Variants in AUH observed in about 807,000 individuals in gnomAD.
AUH encodes the protein AU RNA binding methylglutaconyl-CoA hydratase, also known as methylglutaconyl-CoA hydratase, mitochondrial.
In AUH, 29 loss-of-function variants were observed where a neutral mutation model predicts 42.3. That is an observed-to-expected ratio of 0.69 (90% CI 0.51 to 0.93). The LOEUF (loss-of-function observed/expected upper bound fraction) is 0.93, where lower values mean the gene tolerates loss of function less well. Among genes scored for constraint, AUH ranks in the 40% least tolerant of loss-of-function variants. The pLI, the probability that AUH is intolerant of heterozygous loss-of-function variation, is 0.00. For synonymous variants in AUH, 174 were observed against 166.4 expected, an observed-to-expected ratio of 1.05 and a Z score of -0.35; for missense variants, 452 against 438.1, an observed-to-expected ratio of 1.03 and a Z score of -0.28.
chr9:91,333,167 G>C (rs1830453735), intron 3 of AUH, among the ~76,000 whole-genome samples: 1 of 152,214 alleles, frequency 6.6e-6, no homozygotes, highest in Non-Finnish European at 1.5e-5. Context: ...TCGGCCAAAA[G>C]GAGGTCACAG....
chr9:91,357,454 T>G, intron 1 of AUH: 2 of 948,764 alleles, frequency 2.1e-6, no homozygotes, highest in South Asian at 4.9e-5. Flanking sequence ...ACTAGATGTG[T>G]CCATTCATTC....
chr9:91,335,943 C>T (rs1830655469), intron 3 of AUH, among the ~76,000 whole-genome samples: 1 of 152,104 alleles, frequency 6.6e-6, no homozygotes, highest in Non-Finnish European at 1.5e-5. Context: ...CCATGTGTGC[C>T]TGAAACGAAT....
At chr9:91,355,036 C>A (rs1367303831) in intron 3 of AUH, among the ~76,000 whole-genome samples, 1 of 152,076 alleles carries the variant, frequency 6.6e-6, no homozygotes, top group Non-Finnish European at 1.5e-5. Context: ...TGCATAACAC[C>A]ATAACCCTAG....
rs115716652 is a variant in AUH at position 91,258,948 on chromosome 9, A to G, written c.655+37073T>C. The stretch of plus-strand genomic sequence containing the variant: ...ATGCTAAAATTTTGTTAGGACTTTT[A>G]CACCTGTTTTCATGAGGGATGCTTG... On this transcript the variant is annotated intron_variant, in intron 6 of 9. Coordinates refer to ENST00000375731, the MANE Select transcript of AUH (RefSeq NM_001698.3). 9.5e-3 allele frequency among the ~76,000 whole-genome samples: 1,444 copies of G among 152,232 alleles called. 24 individuals carry two copies. The highest frequency in any genetic ancestry group is 0.033 in the African/African-American group (1,375 of 41,528).
chr9:91,268,211 T>G (rs1425294282), intron 6 of AUH, among the ~76,000 whole-genome samples: 1 of 152,218 alleles, frequency 6.6e-6, no homozygotes, highest in Non-Finnish European at 1.5e-5. Context: ...AAGCACAAAG[T>G]GCTCCACCTA....
At chr9:91,239,229 G>A (rs980566099) in intron 6 of AUH, among the ~76,000 whole-genome samples, 5 of 151,992 alleles carry the variant, frequency 3.3e-5, no homozygotes, top group Non-Finnish European at 5.9e-5. Flanking sequence ...GATAAAGGGG[G>A]ATGCTCATAA....
chr9:91,264,336 A>C (rs1306414475), intron 6 of AUH, among the ~76,000 whole-genome samples: 1 of 152,076 alleles, frequency 6.6e-6, no homozygotes, highest in Non-Finnish European at 1.5e-5. Flanking sequence ...GCATGAGTGG[A>C]GGTTCTCCTA....
chr9:91,297,487 C>T (rs1827440350), intron 5 of AUH, among the ~76,000 whole-genome samples: 1 of 152,162 alleles, frequency 6.6e-6, no homozygotes, highest in Admixed American at 6.5e-5. Flanking sequence ...AGATTAATTG[C>T]TTAATCTTCA....
chr9:91,263,098 C>T (rs1476393122), intron 6 of AUH, among the ~76,000 whole-genome samples: 1 of 152,134 alleles, frequency 6.6e-6, no homozygotes, highest in Non-Finnish European at 1.5e-5. Flanking sequence ...CAGAACAGTG[C>T]CAAGAACGCA....
intron 5 of AUH, among the ~76,000 whole-genome samples, chr9:91,297,352 T>C (rs1296559930): frequency 2.6e-5 from 4 of 151,898 alleles, no homozygotes; most frequent in African/African-American, 4.8e-5. Context: ...ACTAATTCTT[T>C]TCACTCTTTT....
At position 91,241,105 on chromosome 9, in the gene AUH, G is replaced by C. The variant is rs1334189531; in HGVS notation, c.656-20113C>G. Among the ~76,000 whole-genome samples, 14 of 152,206 alleles carry C rather than the reference G, an allele frequency of 9.2e-5. No individual in the cohort carries two copies. In the East Asian group the frequency reaches 2.7e-3, roughly 29 times the overall value. ...CAGTTGCTCAACATACACAAGAGAA[G>C]TGGTATCGGCCAGCCTGATCTAAAC... is the stretch of plus-strand genomic sequence containing the variant. On this transcript the variant is annotated intron_variant, in intron 6 of 9. Transcript: ENST00000375731.
chr9:91,337,006 A>G (rs982844225), intron 3 of AUH, among the ~76,000 whole-genome samples: 1 of 152,212 alleles, frequency 6.6e-6, no homozygotes, highest in South Asian at 2.1e-4. Context: ...CTTTGTATAC[A>G]CAAGGGCCTT....
chr9:91,230,154 T>C (rs1827781525), intron 6 of AUH, among the ~76,000 whole-genome samples: 1 of 151,868 alleles, frequency 6.6e-6, no homozygotes, highest in Non-Finnish European at 1.5e-5. Context: ...CAGAGTGTTT[T>C]CCAACTTGGT....
intron 6 of AUH, among the ~76,000 whole-genome samples, chr9:91,241,398 T>C (rs1305882859): frequency 6.6e-6 from 1 of 152,122 alleles, no homozygotes; most frequent in East Asian, 1.9e-4. Flanking sequence ...ATATGTTATA[T>C]ATTATATATA....
intron 3 of AUH, among the ~76,000 whole-genome samples, chr9:91,329,674 T>C (rs1830193175): frequency 1.3e-5 from 2 of 152,192 alleles, no homozygotes; most frequent in Non-Finnish European, 2.9e-5. Context: ...AAATATTTTC[T>C]TCATTTTTGT....
At chr9:91,334,238 T>C (rs1830535151) in intron 3 of AUH, among the ~76,000 whole-genome samples, 1 of 152,198 alleles carries the variant, frequency 6.6e-6, no homozygotes, top group East Asian at 1.9e-4. Context: ...ATGTGTCTAC[T>C]TGTCTGGGCC....
chr9:91,323,019 CTAACA>C (rs1422793198), intron 4 of AUH, among the ~76,000 whole-genome samples: 2 of 152,138 alleles, frequency 1.3e-5, no homozygotes, highest in Admixed American at 6.5e-5. Context: ...AAATAATCTC[CTAACA>C]AGTTGAAATA....
rs976709577 is a variant in AUH, at chr9:91,361,847, G to C, written c.43C>G (p.Leu15Val). 1 of 1,492,032 alleles carries C rather than the reference G, an allele frequency of 6.7e-7. No homozygotes were observed. Among genetic ancestry groups the C allele is most frequent in the Non-Finnish European group, 8.9e-7 (1 of 1,127,096 alleles). 92.4% of individuals were successfully genotyped at this position (1,492,032 alleles called of 1,614,324 possible). A position where few individuals can be genotyped will look rare whatever the true frequency, so the allele number is the denominator to read the frequency against. Reference protein sequence around the residue: ...VAAAPGALGSLHAGGARLVAA... With the variant: ...VAAAPGALGSVHAGGARLVAA... The stretch of plus-strand genomic sequence containing the variant: ...ACCAGGCGGGCGCCGCCAGCATGCA[G>C]GGATCCCAAGGCCCCAGGTGCCGCC... The change falls in exon 1 of 10, where the codon CTG (leucine) becomes GTG (valine). Residue 15 changes from leucine to valine, a missense_variant. By Grantham distance (32) the Leu-to-Val change is conservative. Coordinates refer to ENST00000375731, the MANE Select transcript of AUH (RefSeq NM_001698.3).
intron 4 of AUH, among the ~76,000 whole-genome samples, chr9:91,324,332 A>T (rs1332133876): frequency 1.3e-5 from 2 of 151,900 alleles, no homozygotes; most frequent in East Asian, 3.9e-4. Context: ...TGAGACCCCC[A>T]TCTCTACAAG....
Sources: allele counts gnomAD v4.1 joint callset (sites outside exome capture counted in the v4.1 genomes callset), GRCh38; gene constraint gnomAD v4.1.1; transcripts MANE v1.5; gene names NCBI Gene and HGNC (gene_info 2026-07-23, HGNC 2026-07-21).